The following PPHLN1 variants were observed in gnomAD, a reference collection of about 807,000 sequenced individuals.
The protein encoded by PPHLN1 is periphilin 1.
Under a neutral mutation model 51.3 loss-of-function variants are expected in PPHLN1, and 29 were observed. That is an observed-to-expected ratio of 0.57 (90% CI 0.42 to 0.77). The LOEUF is 0.77. Ranked by LOEUF, PPHLN1 falls within the 30% of genes least tolerant of loss-of-function variation. The pLI is 0.00. For missense variants in PPHLN1, 436 were observed against 438.4 expected (o/e 0.99, Z 0.05); for synonymous variants, 147 against 147.8 (o/e 0.99, Z 0.04).
chr12:42,389,305 G>A (rs12820154), intron 7 of PPHLN1, among the ~76,000 whole-genome samples: 48,997 of 151,822 alleles, frequency 0.32, 8,976 homozygotes, highest in South Asian at 0.46. Flanking sequence ...CTTAGGAGGC[G>A]GAACTTGCAG....
At chr12:42,445,139 T>G, downstream of PPHLN1, 1 of 702,310 alleles carries the variant, frequency 1.4e-6, no homozygotes, top group East Asian at 2.7e-5. Context: ...AATGTACACA[T>G]TCTATTTTTA....
In PPHLN1 at chr12:42,352,063, C is replaced by T; in HGVS notation, c.237+14C>T. On this transcript the variant is annotated intron_variant, in intron 3 of 9. Transcript: ENST00000358314. ...CCTCACAGAGGAGTATGTAAATTTC[C>T]CCCATGTACTAATTGTTATTTCTTA... 4 of 1,433,600 alleles carry T rather than the reference C, an allele frequency of 2.8e-6. No individual in the cohort carries two copies. Among genetic ancestry groups the T allele is most frequent in the Non-Finnish European group, 3.7e-6 (4 of 1,091,188 alleles). The allele number at this position is 1,433,600 out of a possible 1,614,324, so 88.8% of individuals were successfully genotyped here. A position where few individuals can be genotyped will look rare whatever the true frequency, so the allele number is the denominator to read the frequency against.
chr12:42,441,524 G>T lies in PPHLN1; in HGVS notation c.*15G>T, dbSNP rs1303182470. 4.0e-6 allele frequency: 6 copies of T among 1,509,910 alleles called. No individual in the cohort carries two copies. Among genetic ancestry groups the T allele is most frequent in the East Asian group, 2.3e-5 (1 of 42,678 alleles). The allele number at this position is 1,509,910 out of a possible 1,614,324, so 93.5% of individuals were successfully genotyped here. ...AGCCTTTTTAGATTTTTCTGCTCAG[G>T]CTAAAAAAAAAAAAAAACAGTTTCT... On this transcript the variant is annotated 3_prime_UTR_variant, in exon 10 of 10. Coordinates refer to ENST00000358314, the MANE Select transcript of PPHLN1 (RefSeq NM_201439.2).
At chr12:42,333,801 T>C (rs1208933154) in intron 1 of PPHLN1, among the ~76,000 whole-genome samples, 2 of 152,192 alleles carry the variant, frequency 1.3e-5, no homozygotes, top group Non-Finnish European at 2.9e-5. Context: ...TACTAACCTA[T>C]GTAAGTGTTG....
At chr12:42,378,333 T>G (rs1427561999) in intron 5 of PPHLN1, among the ~76,000 whole-genome samples, 3 of 152,112 alleles carry the variant, frequency 2.0e-5, no homozygotes, top group Non-Finnish European at 4.4e-5. Flanking sequence ...GGAGGTCATA[T>G]TTTAAACAAT....
intron 4 of PPHLN1, among the ~76,000 whole-genome samples, chr12:42,372,575 T>C (rs1476340630): frequency 6.6e-6 from 1 of 152,214 alleles, no homozygotes; most frequent in Non-Finnish European, 1.5e-5. Context: ...CTAATGTTTC[T>C]CTGTTCTCCC....
At chr12:42,366,383 A>G (rs189465404) in intron 4 of PPHLN1, among the ~76,000 whole-genome samples, 3 of 152,028 alleles carry the variant, frequency 2.0e-5, no homozygotes, top group African/African-American at 7.2e-5. Flanking sequence ...GTACGCCACC[A>G]TGCCTGGCTA....
At chr12:42,393,728 G>A (rs933999269) in intron 8 of PPHLN1, 39 bp downstream of exon 8, 1 of 1,529,982 alleles carries the variant, frequency 6.5e-7, no homozygotes, top group East Asian at 2.3e-5. Context: ...ACATCTGAAA[G>A]TTTTGTCTGG....
intron 4 of PPHLN1, 68 bp downstream of exon 4, chr12:42,355,290 T>TA: frequency 7.5e-7 from 1 of 1,334,236 alleles, no homozygotes; most frequent in Non-Finnish European, 1.1e-6. Context: ...GCTTTGGAAA[T>TA]ATAGACTCAA....
rs1398327283 is a variant in PPHLN1, at chr12:42,379,012, TG to T, written c.511+3939del. Among the ~76,000 whole-genome samples the T allele has an allele frequency of 4.2e-5, 6 of 144,160 alleles. No homozygotes were observed. In the South Asian group the frequency reaches 1.1e-3, roughly 26 times the overall value. 94.6% of individuals were successfully genotyped at this position (144,160 alleles called of 152,430 possible). A position where few individuals can be genotyped will look rare whatever the true frequency, so the allele number is the denominator to read the frequency against. On this transcript the variant is annotated intron_variant, in intron 5 of 9. Coordinates refer to ENST00000358314, the MANE Select transcript of PPHLN1 (RefSeq NM_201439.2). ...ATTATGATACTTTCCTAGGTAAAAT[TG>T]TTTTTTTTATATTTACCTTGTATAT...
chr12:42,445,739 AC>A (rs2083280669), downstream of PPHLN1: 1 of 422,240 alleles, frequency 2.4e-6, no homozygotes, highest in African/African-American at 2.0e-5. Context: ...TGCTCAGAAA[AC>A]AATGGAGAAT....
At chr12:42,411,105 C>T (rs2079769535) in intron 9 of PPHLN1, among the ~76,000 whole-genome samples, 1 of 151,968 alleles carries the variant, frequency 6.6e-6, no homozygotes, top group East Asian at 1.9e-4. Context: ...ATTTTTATGT[C>T]CTCCAGTTGA....
chr12:42,393,472 G>A, intron 7 of PPHLN1, 98 bp from the exon 8 acceptor site: 1 of 1,196,484 alleles, frequency 8.4e-7, no homozygotes. Flanking sequence ...AAATTTGGAG[G>A]CTTATATGAT....
At chr12:42,355,249 G>A (rs780283962) in intron 4 of PPHLN1, 27 bp downstream of exon 4, 2 of 1,587,412 alleles carry the variant, frequency 1.3e-6, no homozygotes, top group South Asian at 2.2e-5. Context: ...AATAGCATAA[G>A]TACTTTGATA....
At chr12:42,341,261 G>T (rs2071455125) in intron 2 of PPHLN1, among the ~76,000 whole-genome samples, 1 of 152,128 alleles carries the variant, frequency 6.6e-6, no homozygotes, top group African/African-American at 2.4e-5. Context: ...TTACAGGCGT[G>T]AGCCATCGTG....
chr12:42,360,707 C>A (rs1432203509), intron 4 of PPHLN1, among the ~76,000 whole-genome samples: 2 of 151,952 alleles, frequency 1.3e-5, no homozygotes, highest in Admixed American at 1.3e-4. Flanking sequence ...GTTGGCCAGG[C>A]TGCTCTTGAA....
chr12:42,419,634 A>G (rs1380494057), intron 9 of PPHLN1, among the ~76,000 whole-genome samples: 1 of 152,218 alleles, frequency 6.6e-6, no homozygotes, highest in East Asian at 1.9e-4. Context: ...TAATTAAGTT[A>G]TATCTGTGTT....
At chr12:42,359,870 G>A (rs568243152) in intron 4 of PPHLN1, among the ~76,000 whole-genome samples, 1 of 152,134 alleles carries the variant, frequency 6.6e-6, no homozygotes, top group Non-Finnish European at 1.5e-5. Context: ...CATTTTGGGA[G>A]GCTGAGACAG....
chr12:42,400,798 TCACACACACACACACACA>T (rs67724902), intron 9 of PPHLN1, among the ~76,000 whole-genome samples: 1 of 142,522 alleles, frequency 7.0e-6, no homozygotes, highest in Non-Finnish European at 1.5e-5. Flanking sequence ...TCTCTCTCTT[TCACACACACACACACACA>T]CACACACACA....
Sources: allele counts gnomAD v4.1 joint callset (sites outside exome capture counted in the v4.1 genomes callset), GRCh38; gene constraint gnomAD v4.1.1; transcripts MANE v1.5; gene names NCBI Gene and HGNC (gene_info 2026-07-23, HGNC 2026-07-21).